RNF125: variants seen among roughly 807,000 people sequenced by gnomAD.
RNF125 encodes E3 ubiquitin-protein ligase RNF125.
A neutral mutation model predicts 26.0 loss-of-function variants in RNF125; 21 were observed. The observed-to-expected ratio is 0.81, with a 90% confidence interval of 0.57 to 1.16. RNF125 has a LOEUF of 1.16. Among genes scored for constraint, RNF125 ranks in the 50% most tolerant of loss-of-function variants. The probability of loss-of-function intolerance (pLI) is 0.00; values close to 1 mark genes in which losing one functional copy is unlikely to be tolerated. For missense variants in RNF125, 270 were observed against 299.4 expected (o/e 0.90, Z 0.72); for synonymous variants, 95 against 109.2 (o/e 0.87, Z 0.81).
chr18:32,046,131 C>T (rs4799627), intron 4 of RNF125, among the ~76,000 whole-genome samples: 47,169 of 146,748 alleles, frequency 0.32, 8,288 homozygotes, highest in South Asian at 0.43. Flanking sequence ...GCAGAAGAAT[C>T]GCTTGAACCT....
chr18:32,088,558 A>C, the RNF125 span, among the ~76,000 whole-genome samples: 1 of 152,164 alleles, frequency 6.6e-6, no homozygotes, highest in Non-Finnish European at 1.5e-5. Flanking sequence ...GCTGGAGAGC[A>C]GTGGTGCCAT....
intron 1 of RNF125, among the ~76,000 whole-genome samples, chr18:32,036,907 A>C (rs976679265): frequency 3.3e-5 from 5 of 152,120 alleles, no homozygotes; most frequent in Non-Finnish European, 7.3e-5. Flanking sequence ...GTGAAAGTGC[A>C]TGTGGTAAGA....
intron 4 of RNF125, among the ~76,000 whole-genome samples, chr18:32,065,066 C>T (rs1272759664): frequency 6.6e-6 from 1 of 152,086 alleles, no homozygotes; most frequent in Non-Finnish European, 1.5e-5. Context: ...GTTATGTATG[C>T]ATATGAGCAA....
intron 4 of RNF125, among the ~76,000 whole-genome samples, chr18:32,047,291 G>C (rs1258750032): frequency 1.3e-5 from 2 of 152,164 alleles, no homozygotes; most frequent in Non-Finnish European, 2.9e-5. Context: ...GCCCACGTCG[G>C]CCTCCCAAAG....
chr18:32,058,132 TAAA>T (rs780204451), intron 4 of RNF125, among the ~76,000 whole-genome samples: 9,088 of 80,324 alleles, frequency 0.11, 337 homozygotes, highest in Non-Finnish European at 0.15. Flanking sequence ...ACCCCATCTC[TAAA>T]AAAAAAAAAA....
chr18:32,039,435 A>G (rs2039194435), intron 2 of RNF125, among the ~76,000 whole-genome samples: 1 of 152,090 alleles, frequency 6.6e-6, no homozygotes, highest in Non-Finnish European at 1.5e-5. Context: ...GTTCATGTTC[A>G]TGTTAGAGGG....
intron 2 of RNF125, among the ~76,000 whole-genome samples, chr18:32,037,704 A>T (rs770145035): frequency 6.6e-6 from 1 of 152,096 alleles, no homozygotes. Context: ...TTCCTGTCTT[A>T]CAAGAGGATT....
At chr18:32,056,048 CTT>C (rs911695063) in intron 4 of RNF125, among the ~76,000 whole-genome samples, 1 of 139,962 alleles carries the variant, frequency 7.1e-6, no homozygotes, top group African/African-American at 2.7e-5. Context: ...TTTTAAGAAA[CTT>C]AAGAAATCCA....
At chr18:32,088,586 T>G in the RNF125 span, among the ~76,000 whole-genome samples, 3 of 152,174 alleles carry the variant, frequency 2.0e-5, no homozygotes, top group Admixed American at 6.5e-5. Flanking sequence ...CACTGCAACT[T>G]CTGCCTCCTG....
chr18:32,034,846 C>T (rs1248161375), intron 1 of RNF125, among the ~76,000 whole-genome samples: 2 of 141,568 alleles, frequency 1.4e-5, no homozygotes, highest in South Asian at 2.2e-4. Flanking sequence ...ACCTGAGAGA[C>T]GGAGGTTGCA....
chr18:32,061,952 C>T (rs1286840670), intron 4 of RNF125, among the ~76,000 whole-genome samples: 5 of 152,306 alleles, frequency 3.3e-5, no homozygotes, highest in East Asian at 3.9e-4. Flanking sequence ...TTTCTGGGTA[C>T]TAAGAATGTA....
the RNF125 span, among the ~76,000 whole-genome samples, chr18:32,080,059 C>T: frequency 9.9e-5 from 15 of 152,224 alleles, no homozygotes; most frequent in East Asian, 7.7e-4. Context: ...GATGGAGTCC[C>T]GCTCTGTCGC....
At chr18:32,066,866 C>G (rs1175054100) in intron 5 of RNF125, among the ~76,000 whole-genome samples, 2 of 152,218 alleles carry the variant, frequency 1.3e-5, no homozygotes, top group Non-Finnish European at 1.5e-5. Context: ...ATTCTCAGCT[C>G]CATATCTCTA....
chr18:32,033,748 G>A (rs2039123179), intron 1 of RNF125, among the ~76,000 whole-genome samples: 1 of 151,962 alleles, frequency 6.6e-6, no homozygotes. Flanking sequence ...GAACCTGGGA[G>A]GTGGAGGTCG....
At chr18:32,021,793 G>A (rs12458003) in intron 1 of RNF125, among the ~76,000 whole-genome samples, 78,206 of 151,996 alleles carry the variant, frequency 0.51, 20,224 homozygotes, top group Middle Eastern at 0.56. Context: ...ATATAAATTT[G>A]CAAAATGTTA....
chr18:32,056,750 C>T (rs2039389100), intron 4 of RNF125, among the ~76,000 whole-genome samples: 1 of 151,798 alleles, frequency 6.6e-6, no homozygotes, highest in Non-Finnish European at 1.5e-5. Context: ...TTTTCTAATT[C>T]TCATGGATTA....
At position 32,050,865 on chromosome 18, in the gene RNF125, C is replaced by CTTTTTTTTTTTTTTTTTTTTTTTT. The variant is rs531751585; in HGVS notation, c.504+5144_504+5167dup. On this transcript the variant is annotated intron_variant, in intron 4 of 5. Transcript: ENST00000217740. ...CCAGCTAGTCTCTCGGTCTAGAGTG[C>CTTTTTTTTTTTTTTTTTTTTTTTT]TTTTTTTTTTTTTTTTTTTTTTTTT... 6.5e-5 allele frequency among the ~76,000 whole-genome samples: 3 copies of CTTTTTTTTTTTTTTTTTTTTTTTT among 46,342 alleles called. 1 individual carries two copies. The highest frequency in any genetic ancestry group is 1.2e-4 in the Non-Finnish European group (3 of 25,614). The allele number at this position is 46,342 out of a possible 152,430, so 30.4% of individuals were successfully genotyped here.
intron 2 of RNF125, chr18:32,041,822 G>A (rs2039222279): frequency 1.1e-5 from 1 of 94,126 alleles, no homozygotes; most frequent in African/African-American, 5.9e-5. Flanking sequence ...AGTAGAGACG[G>A]GGTTTCACCG....
In RNF125 at chr18:32,068,550, T is replaced by C; in HGVS notation, c.*166T>C. The C allele has an allele frequency of 2.0e-6, 1 of 505,732 alleles. No homozygotes were observed. Among genetic ancestry groups the C allele is most frequent in the Non-Finnish European group, 3.5e-6 (1 of 282,160 alleles). 31.3% of individuals were successfully genotyped at this position (505,732 alleles called of 1,614,324 possible). A position where few individuals can be genotyped will look rare whatever the true frequency, so the allele number is the denominator to read the frequency against. On this transcript the variant is annotated 3_prime_UTR_variant, in exon 6 of 6. Coordinates refer to ENST00000217740, the MANE Select transcript of RNF125 (RefSeq NM_017831.4). ...GTGCATTTAAAAACTGCTTTAATTT[T>C]AATGGTTTAAATCTGTTTTACATCC... is the stretch of plus-strand genomic sequence containing the variant.
Sources: gnomAD v4.1 joint callset for allele counts (sites outside exome capture counted in the v4.1 genomes callset) on GRCh38, gnomAD v4.1.1 for gene constraint, MANE v1.5 for transcripts, NCBI Gene and HGNC (gene_info 2026-07-23, HGNC 2026-07-21) for gene names.